CHRM3: variants seen among roughly 807,000 people sequenced by gnomAD.
CHRM3 encodes the protein muscarinic acetylcholine receptor M3.
CHRM3 carries 11 observed loss-of-function variants against 41.8 expected under a neutral mutation model. The observed-to-expected ratio is 0.26, with a 90% CI of 0.17 to 0.44. The LOEUF is 0.44. CHRM3 is among the 20% of genes least tolerant of loss of function. CHRM3 has a pLI of 1.00. For missense variants in CHRM3, 571 were observed against 745.4 expected, an observed-to-expected ratio of 0.77 and a Z score of 2.72; for synonymous variants, 297 against 301.4, an observed-to-expected ratio of 0.99 and a Z score of 0.15.
At chr1:239,896,550 G>A (rs1470533137) in intron 6 of CHRM3, among the ~76,000 whole-genome samples, 2 of 152,148 alleles carry the variant, frequency 1.3e-5, no homozygotes, top group Non-Finnish European at 1.5e-5. Flanking sequence ...GATTCTTGAA[G>A]AGATGTGGAG....
intron 1 of CHRM3, among the ~76,000 whole-genome samples, chr1:239,430,150 T>C (rs1326325250): frequency 6.6e-6 from 1 of 151,886 alleles, no homozygotes; most frequent in Non-Finnish European, 1.5e-5. Flanking sequence ...GTATTTTTAG[T>C]AGAGACGGGG....
At chr1:239,899,673 A>G (rs746292794) in intron 6 of CHRM3, 15 of 152,070 alleles carry the variant, frequency 9.9e-5, no homozygotes, top group Non-Finnish European at 1.9e-4. Context: ...TATACACGAT[A>G]TAAGTACACT....
chr1:239,632,264 A>T lies in CHRM3; in HGVS notation c.-272A>T, dbSNP rs1669937628. On this transcript the variant is annotated 5_prime_UTR_variant, in exon 4 of 7. Transcript: ENST00000676153. ...TAGTGGCCAAATAAATGACAGTCAG[A>T]ACTTCAGCTAAGGTACAATAAGGTA... is the stretch of plus-strand genomic sequence containing the variant. 1.3e-5 allele frequency: 2 copies of T among 152,214 alleles called. No homozygotes were observed. Among genetic ancestry groups the T allele is most frequent in the South Asian group, 4.1e-4 (2 of 4,826 alleles). The allele number at this position is 152,214 out of a possible 1,614,324, so 9.4% of individuals were successfully genotyped here. A position where few individuals can be genotyped will look rare whatever the true frequency, so the allele number is the denominator to read the frequency against.
chr1:239,891,558 C>A (rs984858554), intron 6 of CHRM3, among the ~76,000 whole-genome samples: 1 of 152,152 alleles, frequency 6.6e-6, no homozygotes. Flanking sequence ...AGTAGGGTGG[C>A]CTAATATACA....
chr1:239,393,864 T>A (rs193280668), intron 1 of CHRM3, among the ~76,000 whole-genome samples: 1 of 152,334 alleles, frequency 6.6e-6, no homozygotes, highest in Non-Finnish European at 1.5e-5. Context: ...TATAAGTAAA[T>A]ATATAATAAA....
chr1:239,478,846 G>A (rs536382342), intron 1 of CHRM3, among the ~76,000 whole-genome samples: 1 of 152,170 alleles, frequency 6.6e-6, no homozygotes, highest in South Asian at 2.1e-4. Context: ...TGAGGAAGAA[G>A]AATATTTGAA....
intron 1 of CHRM3, among the ~76,000 whole-genome samples, chr1:239,400,971 T>C (rs949759696): frequency 6.6e-6 from 1 of 152,184 alleles, no homozygotes; most frequent in African/African-American, 2.4e-5. Flanking sequence ...ATCCAGGTTG[T>C]ACCATGTTGC....
At position 239,902,393 on chromosome 1, in the gene CHRM3, C is replaced by T. The variant is rs566432146; in HGVS notation, c.-19-5040C>T. On this transcript the variant is annotated intron_variant, in intron 6 of 6. Transcript: ENST00000676153. The stretch of plus-strand genomic sequence containing the variant: ...ATACATCTCCTGGGCCAACCCAGAA[C>T]TCAGACCCAAATCAGCAAAACTCCA... Among the ~76,000 whole-genome samples the T allele has an allele frequency of 2.6e-5, 4 of 152,294 alleles. 1 individual carries two copies. In the South Asian group the frequency reaches 8.3e-4, roughly 32 times the overall value.
intron 6 of CHRM3, among the ~76,000 whole-genome samples, chr1:239,860,776 C>T (rs570539818): frequency 6.6e-6 from 1 of 152,138 alleles, no homozygotes; most frequent in Non-Finnish European, 1.5e-5. Context: ...GGATGCTCAA[C>T]CTGTAGCAAG....
chr1:239,897,787 G>T (rs1285604076), intron 6 of CHRM3, among the ~76,000 whole-genome samples: 1 of 152,144 alleles, frequency 6.6e-6, no homozygotes, highest in Non-Finnish European at 1.5e-5. Flanking sequence ...TTTTAGACTT[G>T]CGAGTGCTAA....
At chr1:239,855,036 G>GC (rs1646932959) in intron 6 of CHRM3, among the ~76,000 whole-genome samples, 2 of 152,066 alleles carry the variant, frequency 1.3e-5, no homozygotes, top group South Asian at 4.1e-4. Context: ...GTTGTTTCTG[G>GC]CAATGCCCTT....
intron 1 of CHRM3, among the ~76,000 whole-genome samples, chr1:239,425,266 G>A (rs901205082): frequency 2.0e-5 from 3 of 151,956 alleles, no homozygotes; most frequent in Non-Finnish European, 2.9e-5. Context: ...CTTTACCTGC[G>A]TTTTCCCTTT....
chr1:239,458,665 G>C (rs1665136739), intron 1 of CHRM3, among the ~76,000 whole-genome samples: 1 of 152,120 alleles, frequency 6.6e-6, no homozygotes, highest in South Asian at 2.1e-4. Context: ...CAAAGCATTT[G>C]ATTCTTGAAT....
At chr1:239,795,124 T>C (rs994952187) in intron 5 of CHRM3, among the ~76,000 whole-genome samples, 1 of 151,912 alleles carries the variant, frequency 6.6e-6, no homozygotes, top group East Asian at 1.9e-4. Flanking sequence ...AAACAATGTA[T>C]TTTTTTTAAC....
At chr1:239,417,971 T>A (rs1012578804) in intron 1 of CHRM3, among the ~76,000 whole-genome samples, 1 of 152,256 alleles carries the variant, frequency 6.6e-6, no homozygotes, top group African/African-American at 2.4e-5. Context: ...GGTTGCTATG[T>A]CTTGATAAGA....
At chr1:239,469,765 C>T (rs936501421) in intron 1 of CHRM3, among the ~76,000 whole-genome samples, 1 of 152,078 alleles carries the variant, frequency 6.6e-6, no homozygotes. Flanking sequence ...CCATGTTGGC[C>T]AGGGTGGTCC....
intron 3 of CHRM3, among the ~76,000 whole-genome samples, chr1:239,560,241 A>G (rs1035784873): frequency 2.6e-5 from 4 of 152,220 alleles, no homozygotes; most frequent in Admixed American, 1.3e-4. Context: ...ATATTGTTAA[A>G]GTATTTTTGC....
chr1:239,694,001 A>G (rs192378935), intron 5 of CHRM3, among the ~76,000 whole-genome samples: 1 of 152,202 alleles, frequency 6.6e-6, no homozygotes, highest in Non-Finnish European at 1.5e-5. Flanking sequence ...CTTTTCATAT[A>G]GCAATAATTC....
chr1:239,724,264 G>A (rs1417175608), intron 5 of CHRM3, among the ~76,000 whole-genome samples: 1 of 151,878 alleles, frequency 6.6e-6, no homozygotes, highest in African/African-American at 2.4e-5. Flanking sequence ...CTAATTCTCT[G>A]TATTAGGTTG....
Sources: allele counts gnomAD v4.1 joint callset (sites outside exome capture counted in the v4.1 genomes callset), GRCh38; gene constraint gnomAD v4.1.1; transcripts MANE v1.5; gene names NCBI Gene and HGNC (gene_info 2026-07-23, HGNC 2026-07-21).